VAV3: variants seen among roughly 807,000 people sequenced by gnomAD.
VAV3 encodes vav guanine nucleotide exchange factor 3, also known as guanine nucleotide exchange factor VAV3.
A neutral mutation model predicts 131.2 loss-of-function variants in VAV3; 94 were observed. The ratio of observed to expected loss-of-function variants is 0.72; its 90% CI spans 0.61 to 0.85. VAV3 has a LOEUF of 0.85. Ranked by LOEUF, VAV3 falls within the 40% of genes least tolerant of loss-of-function variation. The pLI is 0.00. For synonymous variants in VAV3, 349 were observed against 342.0 expected (o/e 1.02, Z -0.22); for missense variants, 939 against 1,002.7 (o/e 0.94, Z 0.86).
chr1:107,767,845 G>A (rs1437653000), intron 7 of VAV3, among the ~76,000 whole-genome samples: 1 of 152,170 alleles, frequency 6.6e-6, no homozygotes. Context: ...TTTTAAGATT[G>A]TAAGATTCTG....
At chr1:107,829,905 C>A (rs1668172965) in intron 2 of VAV3, among the ~76,000 whole-genome samples, 1 of 151,934 alleles carries the variant, frequency 6.6e-6, no homozygotes, top group Non-Finnish European at 1.5e-5. Context: ...CACAAGCAAC[C>A]GAGAGATAAG....
chr1:107,628,716 A>G (rs942504645), intron 20 of VAV3, among the ~76,000 whole-genome samples: 2 of 152,188 alleles, frequency 1.3e-5, no homozygotes, highest in East Asian at 1.9e-4. Flanking sequence ...TGACTCTCCT[A>G]AAACAAAGTA....
chr1:107,580,470 G>A (rs1395733389), intron 25 of VAV3, among the ~76,000 whole-genome samples: 1 of 151,724 alleles, frequency 6.6e-6, no homozygotes, highest in Non-Finnish European at 1.5e-5. Context: ...TATGTCTCAC[G>A]GCATTAACCA....
chr1:107,621,013 T>C (rs1210128437), intron 20 of VAV3, among the ~76,000 whole-genome samples: 3 of 151,974 alleles, frequency 2.0e-5, no homozygotes, highest in Non-Finnish European at 4.4e-5. Flanking sequence ...TAGTGACTAA[T>C]AACTATGCCA....
At chr1:107,640,005 T>C (rs1252115277) in intron 20 of VAV3, among the ~76,000 whole-genome samples, 1 of 151,348 alleles carries the variant, frequency 6.6e-6, no homozygotes, top group African/African-American at 2.4e-5. Flanking sequence ...AACTCACAAA[T>C]ACAGTTGGGA....
At chr1:107,689,282 A>G (rs1356183134) in intron 17 of VAV3, among the ~76,000 whole-genome samples, 4 of 152,118 alleles carry the variant, frequency 2.6e-5, no homozygotes, top group Admixed American at 2.6e-4. Flanking sequence ...ATGATCCTCT[A>G]AAGAAGCATC....
chr1:107,672,578 T>C (rs1016608623), intron 19 of VAV3, among the ~76,000 whole-genome samples: 1 of 151,986 alleles, frequency 6.6e-6, no homozygotes, highest in Non-Finnish European at 1.5e-5. Context: ...TTTAAAACTT[T>C]ATATAGAAAC....
At chr1:107,843,256 C>G (rs1349880675) in intron 2 of VAV3, among the ~76,000 whole-genome samples, 1 of 151,424 alleles carries the variant, frequency 6.6e-6, no homozygotes, top group African/African-American at 2.4e-5. Flanking sequence ...TTCCTATAAA[C>G]CTTTGGTGCT....
chr1:107,750,821 T>TTA (rs1406082726), intron 13 of VAV3, among the ~76,000 whole-genome samples: 1 of 152,244 alleles, frequency 6.6e-6, no homozygotes, highest in East Asian at 1.9e-4. Context: ...AATTATGTTT[T>TTA]TATGGTAGTT....
At chr1:107,909,181 T>C (rs1672250861) in intron 1 of VAV3, among the ~76,000 whole-genome samples, 1 of 152,226 alleles carries the variant, frequency 6.6e-6, no homozygotes, top group South Asian at 2.1e-4. Context: ...ATTCAGTGGT[T>C]ATACTATCTT....
chr1:107,737,134 G>T (rs906507770), intron 15 of VAV3, among the ~76,000 whole-genome samples: 4 of 152,134 alleles, frequency 2.6e-5, no homozygotes, highest in African/African-American at 9.7e-5. Flanking sequence ...AATGGTGCTG[G>T]GAAAACTGGC....
chr1:107,869,813 C>T (rs539981666), intron 2 of VAV3, among the ~76,000 whole-genome samples: 38 of 152,278 alleles, frequency 2.5e-4, no homozygotes, highest in African/African-American at 9.1e-4. Flanking sequence ...ACACTTTCCC[C>T]TGAGTCCCAA....
chr1:107,830,094 T>G (rs763595326), intron 2 of VAV3, among the ~76,000 whole-genome samples: 3 of 152,232 alleles, frequency 2.0e-5, no homozygotes, highest in Non-Finnish European at 4.4e-5. Flanking sequence ...TTCAGCAGGC[T>G]TTAAAGGCCA....
intron 15 of VAV3, among the ~76,000 whole-genome samples, chr1:107,715,091 C>T (rs1409784322): frequency 6.6e-6 from 1 of 151,872 alleles, no homozygotes; most frequent in Admixed American, 6.6e-5. Flanking sequence ...GCTTTTGGCC[C>T]ATAAACTATT....
intron 10 of VAV3, 138 bp downstream of exon 10, chr1:107,760,646 C>A: frequency 1.7e-6 from 1 of 572,328 alleles, no homozygotes; most frequent in South Asian, 3.4e-5. Context: ...TGTTATTTCC[C>A]ACTTAACTAT....
chr1:107,575,007 GCGCGCGCGCACAC>G (rs1558059733), intron 25 of VAV3, among the ~76,000 whole-genome samples: 3 of 31,916 alleles, frequency 9.4e-5, no homozygotes, highest in Non-Finnish European at 1.3e-4. Flanking sequence ...GCGTGCGCGC[GCGCGCGCGCACAC>G]GCGCGCGTGT....
At chr1:107,685,606 T>C (rs999950024) in intron 18 of VAV3, 2 of 152,134 alleles carry the variant, frequency 1.3e-5, no homozygotes, top group Admixed American at 6.6e-5. Context: ...GGGTGTGCAG[T>C]GGAATAAACT....
At position 107,908,753 on chromosome 1, in the gene VAV3, G is replaced by C. The variant is rs1672219861; in HGVS notation, c.205-33736C>G. Among the ~76,000 whole-genome samples, 7 of 147,528 alleles carry C rather than the reference G, an allele frequency of 4.7e-5. No individual in the cohort carries two copies. The Admixed American group carries it at 4.8e-4, about 10-fold the overall frequency. ...GTAAGATGTGACAGCTGATAGAAAA[G>C]GAGTAAGAAAAAGCAGTTGTTTTTT... On this transcript the variant is annotated intron_variant, in intron 1 of 26. Coordinates refer to ENST00000370056, the MANE Select transcript of VAV3 (RefSeq NM_006113.5).
chr1:107,886,136 C>T (rs1202946308), intron 1 of VAV3, among the ~76,000 whole-genome samples: 2 of 152,186 alleles, frequency 1.3e-5, no homozygotes, highest in African/African-American at 4.8e-5. Flanking sequence ...TTAATTTCTC[C>T]ATAAGGACAA....
Sources: gnomAD v4.1 joint callset for allele counts (sites outside exome capture counted in the v4.1 genomes callset) on GRCh38, gnomAD v4.1.1 for gene constraint, MANE v1.5 for transcripts, NCBI Gene and HGNC (gene_info 2026-07-23, HGNC 2026-07-21) for gene names.